IL1RAPL1: variants seen among roughly 807,000 people sequenced by gnomAD.
IL1RAPL1 encodes the protein interleukin 1 receptor accessory protein like 1, also known as interleukin-1 receptor accessory protein-like 1.
IL1RAPL1 carries 3 observed loss-of-function variants against 48.4 expected under a neutral mutation model. The observed-to-expected ratio is 0.06, with a 90% CI of 0.03 to 0.16. IL1RAPL1 has a LOEUF of 0.16. Ranked by LOEUF, IL1RAPL1 falls within the 10% of genes least tolerant of loss-of-function variation. IL1RAPL1 has a pLI of 1.00. For synonymous variants in IL1RAPL1, 185 were observed against 187.7 expected, an observed-to-expected ratio of 0.99 and a Z score of 0.12; for missense variants, 349 against 530.6, an observed-to-expected ratio of 0.66 and a Z score of 3.36.
At chrX:28,664,059 T>G (rs1934849002) in intron 1 of IL1RAPL1, among the ~76,000 whole-genome samples, 1 of 112,316 alleles carries the variant, frequency 8.9e-6, no homozygotes, top group Admixed American at 9.4e-5. Context: ...AGCAAATATC[T>G]TATTGCATAT....
chrX:29,270,886 G>A (rs750455413), intron 2 of IL1RAPL1, among the ~76,000 whole-genome samples: 54 of 111,092 alleles, frequency 4.9e-4, no homozygotes, highest in Non-Finnish European at 9.3e-4. Context: ...TTACATTCAG[G>A]GTTACATGTG....
chrX:28,603,698 A>G (rs1395970833), intron 1 of IL1RAPL1, among the ~76,000 whole-genome samples: 3 of 112,128 alleles, frequency 2.7e-5, no homozygotes, highest in Non-Finnish European at 5.6e-5. Flanking sequence ...AGAAAGAAAG[A>G]AAAGAAAGAA....
intron 5 of IL1RAPL1, among the ~76,000 whole-genome samples, chrX:29,651,508 G>T (rs781349679): frequency 5.1e-4 from 57 of 111,439 alleles, no homozygotes; most frequent in Non-Finnish European, 5.7e-5. Context: ...TTAAGTGAAA[G>T]ATCCCAGGCA....
chrX:28,898,587 G>C (rs5985928), intron 2 of IL1RAPL1, among the ~76,000 whole-genome samples: 37,352 of 109,192 alleles, frequency 0.34, 4,767 homozygotes, highest in African/African-American at 0.42. Context: ...TGTGCCTGGC[G>C]AATTTCATTA....
At chrX:29,239,841 T>C (rs1486800122) in intron 2 of IL1RAPL1, among the ~76,000 whole-genome samples, 1 of 110,564 alleles carries the variant, frequency 9.0e-6, no homozygotes, top group Non-Finnish European at 1.9e-5. Flanking sequence ...GACACCCATG[T>C]TCTAGAGGCT....
chrX:28,775,197 G>A (rs1936350601), intron 1 of IL1RAPL1, among the ~76,000 whole-genome samples: 1 of 111,805 alleles, frequency 8.9e-6, no homozygotes, highest in African/African-American at 3.3e-5. Flanking sequence ...ACCACAAACA[G>A]GGTAGCTTGA....
At chrX:29,682,336 C>A (rs1014615423) in intron 6 of IL1RAPL1, among the ~76,000 whole-genome samples, 1 of 111,017 alleles carries the variant, frequency 9.0e-6, no homozygotes, top group African/African-American at 3.3e-5. Context: ...ACCAGGCACC[C>A]TTGACCATAC....
chrX:29,610,742 T>C (rs2147068004), intron 5 of IL1RAPL1, among the ~76,000 whole-genome samples: 1 of 112,641 alleles, frequency 8.9e-6, no homozygotes, highest in Admixed American at 9.3e-5. Flanking sequence ...CACAAACCCC[T>C]TACGGGATGG....
chrX:29,154,484 G>A (rs1389775584), intron 2 of IL1RAPL1, among the ~76,000 whole-genome samples: 1 of 109,631 alleles, frequency 9.1e-6, no homozygotes, highest in African/African-American at 3.3e-5. Flanking sequence ...AGGTTGCAGT[G>A]AGCCAAGATC....
intron 8 of IL1RAPL1, among the ~76,000 whole-genome samples, chrX:29,931,610 C>T (rs917159205): frequency 8.9e-6 from 1 of 112,098 alleles, no homozygotes; most frequent in African/African-American, 3.2e-5. Flanking sequence ...AAATGTAGTT[C>T]CATCAATTAA....
intron 2 of IL1RAPL1, among the ~76,000 whole-genome samples, chrX:28,839,041 CA>C (rs1166494524): frequency 9.0e-6 from 1 of 111,504 alleles, no homozygotes; most frequent in Non-Finnish European, 1.9e-5. Context: ...ACCATGTGAA[CA>C]CATTGATTAT....
At chrX:29,752,495 C>CAAAA (rs10682605) in intron 6 of IL1RAPL1, among the ~76,000 whole-genome samples, 16 of 52,681 alleles carry the variant, frequency 3.0e-4, no homozygotes, top group Admixed American at 4.6e-4. Context: ...GACTTTGTCT[C>CAAAA]AAAAAAAAAA....
At chrX:29,109,294 T>C (rs1319599894) in intron 2 of IL1RAPL1, among the ~76,000 whole-genome samples, 1 of 60,378 alleles carries the variant, frequency 1.7e-5, no homozygotes, top group Admixed American at 1.7e-4. Flanking sequence ...AGAGTACCTG[T>C]TCTTTTTTTT....
intron 2 of IL1RAPL1, among the ~76,000 whole-genome samples, chrX:29,123,296 T>A (rs1602067464): frequency 9.0e-6 from 1 of 111,390 alleles, no homozygotes; most frequent in Admixed American, 9.7e-5. Context: ...TCCCAAAGTG[T>A]TGGGATTACA....
At chrX:29,553,375 A>C (rs1442648258) in intron 5 of IL1RAPL1, among the ~76,000 whole-genome samples, 1 of 111,467 alleles carries the variant, frequency 9.0e-6, no homozygotes, top group Admixed American at 9.5e-5. Context: ...TTTCTCAGAT[A>C]GAGTCTGTAA....
At chrX:29,630,352 A>C (rs1054450678) in intron 5 of IL1RAPL1, among the ~76,000 whole-genome samples, 1 of 111,741 alleles carries the variant, frequency 8.9e-6, no homozygotes, top group Non-Finnish European at 1.9e-5. Flanking sequence ...AGCAATGACT[A>C]TATAGTAAAA....
chrX:29,761,236 A>C (rs773587264), intron 6 of IL1RAPL1, among the ~76,000 whole-genome samples: 1 of 112,019 alleles, frequency 8.9e-6, no homozygotes, highest in African/African-American at 3.2e-5. Flanking sequence ...ACACTGTGCA[A>C]CCATCACCAC....
chrX:28,686,641 C>T (rs1285105417), intron 1 of IL1RAPL1, among the ~76,000 whole-genome samples: 1 of 112,020 alleles, frequency 8.9e-6, no homozygotes, highest in African/African-American at 3.2e-5. Context: ...ATAAACAGCT[C>T]AATAGCCTCA....
At chrX:28,820,955 C>G (rs1936931104) in intron 2 of IL1RAPL1, among the ~76,000 whole-genome samples, 1 of 111,310 alleles carries the variant, frequency 9.0e-6, no homozygotes, top group East Asian at 2.8e-4. Flanking sequence ...TACAGGTTTC[C>G]CCTTGTGATA....
Sources: allele counts gnomAD v4.1 joint callset (sites outside exome capture counted in the v4.1 genomes callset), GRCh38; gene constraint gnomAD v4.1.1; transcripts MANE v1.5; gene names NCBI Gene and HGNC (gene_info 2026-07-23, HGNC 2026-07-21).